C2CD5: variants seen among roughly 807,000 people sequenced by gnomAD.
C2CD5 encodes C2 domain-containing protein 5.
C2CD5 carries 109 observed loss-of-function variants against 130.3 expected under a neutral mutation model. The observed-to-expected ratio is 0.84, with a 90% CI of 0.72 to 0.98. The LOEUF (loss-of-function observed/expected upper bound fraction) is 0.98, where lower values mean the gene tolerates loss of function less well. Ranked by LOEUF, C2CD5 falls within the 50% of genes least tolerant of loss-of-function variation. The probability of loss-of-function intolerance (pLI) is 0.00; values close to 1 mark genes in which losing one functional copy is unlikely to be tolerated. For missense variants in C2CD5, 996 were observed against 1,261.8 expected (o/e 0.79, Z 3.19); for synonymous variants, 454 against 429.2 (o/e 1.06, Z -0.71).
chr12:22,458,547 T>C lies in C2CD5; in HGVS notation c.2623A>G (p.Ser875Gly). 1 of 1,302,260 alleles carries C rather than the reference T, an allele frequency of 7.7e-7. No individual in the cohort carries two copies. The highest frequency in any genetic ancestry group is 9.8e-7 in the Non-Finnish European group (1 of 1,023,334). 80.7% of individuals were successfully genotyped at this position (1,302,260 alleles called of 1,614,324 possible). Residue 875 changes from serine (S) to glycine (G), a missense_variant, in exon 24 of 27, where the codon AGC becomes GGC. This residue lies in a region of C2CD5 where 590 missense variants were observed against 631.4 expected (regional missense o/e 0.93). Coordinates refer to ENST00000446597, the MANE Select transcript of C2CD5 (RefSeq NM_001286176.2). ...VDYSSFADRC[S>G]SWIELIKLKA... ...AGTTTAATGAGCTCTATCCAGCTGC[T>C]GCATCTGTCTGCAAAGGAACTGTAA...
chr12:22,463,651 C>CA (rs1225611184), intron 22 of C2CD5: 2 of 152,090 alleles, frequency 1.3e-5, no homozygotes, highest in Non-Finnish European at 2.9e-5. Flanking sequence ...ACAGTAGTAC[C>CA]AAACAAACTA....
intron 11 of C2CD5, among the ~76,000 whole-genome samples, chr12:22,491,126 G>T (rs1243453128): frequency 6.6e-6 from 1 of 152,172 alleles, no homozygotes; most frequent in Non-Finnish European, 1.5e-5. Context: ...AGTAGCATGG[G>T]CTGGAACAGA....
intron 2 of C2CD5, among the ~76,000 whole-genome samples, chr12:22,542,717 C>T (rs536809659): frequency 2.0e-5 from 3 of 152,340 alleles, no homozygotes; most frequent in South Asian, 4.1e-4. Flanking sequence ...AGAGAACAAA[C>T]TGTCAGGCTG....
At position 22,448,930 on chromosome 12, in the gene C2CD5, A is replaced by AGTGCAATATTATCTTAT. The variant is rs1937957775; in HGVS notation, c.*813_*829dup. 1.3e-5 allele frequency: 2 copies of AGTGCAATATTATCTTAT among 152,530 alleles called. No homozygotes were observed. Among genetic ancestry groups the AGTGCAATATTATCTTAT allele is most frequent in the South Asian group, 4.1e-4 (2 of 4,830 alleles). 9.4% of individuals were successfully genotyped at this position (152,530 alleles called of 1,614,324 possible). ...ACTAAAATCCTGTTTATTTGGTAGG[A>AGTGCAATATTATCTTAT]GTGCAATATTATCTTATTAGGAAAT... is the stretch of plus-strand genomic sequence containing the variant. On this transcript the variant is annotated 3_prime_UTR_variant, in exon 27 of 27. Transcript: ENST00000446597.
At chr12:22,512,906 A>G (rs1324051605) in intron 9 of C2CD5, among the ~76,000 whole-genome samples, 1 of 152,028 alleles carries the variant, frequency 6.6e-6, no homozygotes, top group Non-Finnish European at 1.5e-5. Flanking sequence ...AAGTAATCTC[A>G]GCAAATAAAT....
chr12:22,526,054 A>T (rs1324965003), intron 4 of C2CD5, among the ~76,000 whole-genome samples: 1 of 152,232 alleles, frequency 6.6e-6, no homozygotes, highest in Admixed American at 6.5e-5. Context: ...GGATGAGTTT[A>T]TCTGGATATA....
chr12:22,533,463 C>A (rs1428749854), intron 3 of C2CD5, among the ~76,000 whole-genome samples: 1 of 152,164 alleles, frequency 6.6e-6, no homozygotes, highest in Non-Finnish European at 1.5e-5. Context: ...TCCCTATAAT[C>A]TCCTGGAGGA....
intron 7 of C2CD5, among the ~76,000 whole-genome samples, chr12:22,518,389 G>A (rs919734685): frequency 6.6e-6 from 1 of 151,738 alleles, no homozygotes; most frequent in Non-Finnish European, 1.5e-5. Context: ...ACAGACTAAG[G>A]GGATAAAAAA....
chr12:22,513,884 T>TTTAG (rs1280517991), intron 8 of C2CD5, among the ~76,000 whole-genome samples: 12 of 152,130 alleles, frequency 7.9e-5, no homozygotes, highest in Non-Finnish European at 1.6e-4. Flanking sequence ...TATTTTCTTA[T>TTTAG]AACTTCCCAT....
chr12:22,452,708 T>G (rs960946949), intron 26 of C2CD5, among the ~76,000 whole-genome samples: 1 of 152,206 alleles, frequency 6.6e-6, no homozygotes, highest in African/African-American at 2.4e-5. Flanking sequence ...CAAGAAAACC[T>G]GAAAAGAACT....
In C2CD5 at chr12:22,448,885, T is replaced by C. The variant is rs1289931910; in HGVS notation, c.*875A>G. The C allele has an allele frequency of 6.6e-6, 1 of 152,598 alleles. No homozygotes were observed. Among genetic ancestry groups the C allele is most frequent in the African/African-American group, 2.4e-5 (1 of 41,442 alleles). 9.5% of individuals were successfully genotyped at this position (152,598 alleles called of 1,614,324 possible). A position where few individuals can be genotyped will look rare whatever the true frequency, so the allele number is the denominator to read the frequency against. On this transcript the variant is annotated 3_prime_UTR_variant, in exon 27 of 27. Coordinates refer to ENST00000446597, the MANE Select transcript of C2CD5 (RefSeq NM_001286176.2). The stretch of plus-strand genomic sequence containing the variant: ...ATGCCAAATACAGTCTAACTCACCA[T>C]CAACAATCCCTCAGATATTACTAAA...
intron 2 of C2CD5, among the ~76,000 whole-genome samples, chr12:22,540,426 G>A (rs1952250547): frequency 6.6e-6 from 1 of 152,154 alleles, no homozygotes; most frequent in South Asian, 2.1e-4. Flanking sequence ...TAAGTTCCGT[G>A]AATGAAGTTT....
At chr12:22,516,297 T>C (rs966446039) in intron 8 of C2CD5, among the ~76,000 whole-genome samples, 1 of 151,790 alleles carries the variant, frequency 6.6e-6, no homozygotes, top group African/African-American at 2.4e-5. Flanking sequence ...CAGGACAATT[T>C]AGAGATATTT....
intron 10 of C2CD5, among the ~76,000 whole-genome samples, chr12:22,496,583 T>A: frequency 6.6e-6 from 1 of 151,502 alleles, no homozygotes. Flanking sequence ...AACACATTTC[T>A]TCTGATAATC....
chr12:22,543,923 CGTG>C, intron 2 of C2CD5, 135 bp downstream of exon 2: 1 of 654,746 alleles, frequency 1.5e-6, no homozygotes. Context: ...GGTCATCCCT[CGTG>C]GGAGAGCTGG....
At chr12:22,530,218 CTG>C (rs1393820855) in intron 3 of C2CD5, among the ~76,000 whole-genome samples, 8 of 142,430 alleles carry the variant, frequency 5.6e-5, no homozygotes, top group African/African-American at 2.1e-4. Context: ...ATATATATAA[CTG>C]TATATATACA....
At chr12:22,476,431 T>G (rs1360642222) in intron 15 of C2CD5, among the ~76,000 whole-genome samples, 1 of 152,112 alleles carries the variant, frequency 6.6e-6, no homozygotes, top group Non-Finnish European at 1.5e-5. Flanking sequence ...AACTGATGAG[T>G]ACTGTTGTGA....
At chr12:22,460,871 A>G (rs1941002048) in intron 22 of C2CD5, among the ~76,000 whole-genome samples, 1 of 152,072 alleles carries the variant, frequency 6.6e-6, no homozygotes, top group African/African-American at 2.4e-5. Context: ...GAGCCACCAA[A>G]CCTGGCCCAC....
intron 10 of C2CD5, chr12:22,502,843 T>A (rs902475532): frequency 4.3e-5 from 51 of 1,178,524 alleles, no homozygotes; most frequent in Non-Finnish European, 5.6e-5. Context: ...CAGTTTTAGG[T>A]GCAGAATAGT....
Sources: gnomAD v4.1 joint callset for allele counts (sites outside exome capture counted in the v4.1 genomes callset) on GRCh38, gnomAD v4.1.1 for gene constraint, gnomAD v4.1.1 regional missense constraint, MANE v1.5 for transcripts, NCBI Gene and HGNC (gene_info 2026-07-23, HGNC 2026-07-21) for gene names.